Variants in KMT2E observed in about 807,000 individuals in gnomAD.
KMT2E encodes the protein lysine methyltransferase 2E (inactive).
In KMT2E, 30 loss-of-function variants were observed where a neutral mutation model predicts 184.6. That is an observed-to-expected ratio of 0.16 (90% CI 0.12 to 0.22). The LOEUF is 0.22. KMT2E is among the 10% of genes least tolerant of loss of function. The probability of loss-of-function intolerance (pLI) is 1.00; values close to 1 mark genes in which losing one functional copy is unlikely to be tolerated. For synonymous variants in KMT2E, 815 were observed against 776.5 expected (o/e 1.05, Z -0.82); for missense variants, 2,023 against 2,237.4 (o/e 0.90, Z 1.93).
chr7:105,033,618 C>G (rs917424580), intron 1 of KMT2E, among the ~76,000 whole-genome samples: 3 of 152,154 alleles, frequency 2.0e-5, no homozygotes, highest in African/African-American at 7.2e-5. Flanking sequence ...TCGGCCTCAG[C>G]CTCCTGCGTA....
chr7:105,062,155 T>TC lies in KMT2E; in HGVS notation c.72-3dup, dbSNP rs750861444. On this transcript the variant is annotated splice_polypyrimidine_tract_variant and intron_variant, in intron 3 of 26. Transcript: ENST00000311117. The stretch of plus-strand genomic sequence containing the variant: ...TGGAATTCTCTTTGATGCAACTTTT[T>TC]CCCCCCAGACCAGAATCCGTAGAAG... The TC allele has an allele frequency of 2.0e-5, 31 of 1,568,554 alleles. No individual in the cohort carries two copies. Among genetic ancestry groups the TC allele is most frequent in the Non-Finnish European group, 2.5e-5 (29 of 1,144,516 alleles).
At chr7:105,097,301 C>A (rs560295658) in intron 15 of KMT2E, among the ~76,000 whole-genome samples, 1 of 152,246 alleles carries the variant, frequency 6.6e-6, no homozygotes, top group Admixed American at 6.5e-5. Flanking sequence ...GTCCTGTTTT[C>A]TCTAATTGTA....
In KMT2E at chr7:105,089,554, G is replaced by T. The variant is rs118018682; in HGVS notation, c.1359-455G>T. Among the ~76,000 whole-genome samples the T allele has an allele frequency of 3.8e-4, 58 of 152,226 alleles. 2 individuals are homozygous for T. The East Asian group carries it at 0.011, about 28-fold the overall frequency. ...TTCTACACCTGACCTCATATGATAGGTCACAGTCAAAGTGCAGTCAGAACT... is the reference window on the plus strand; with the variant it reads ...TTCTACACCTGACCTCATATGATAGTTCACAGTCAAAGTGCAGTCAGAACT... On this transcript the variant is annotated intron_variant, in intron 13 of 26. Transcript: ENST00000311117.
rs769644635 is a variant in KMT2E at position 105,112,877 on chromosome 7, C to A, written c.5121C>A (p.His1707Gln). 4 of 1,524,358 alleles carry A rather than the reference C, an allele frequency of 2.6e-6. No homozygotes were observed. In the South Asian group the frequency reaches 3.3e-5, roughly 13 times the overall value. 94.4% of individuals were successfully genotyped at this position (1,524,358 alleles called of 1,614,324 possible). Residue 1707 changes from histidine to glutamine, a missense_variant, in exon 27 of 27, where the codon CAC (histidine) becomes CAA (glutamine). His to Gln is a conservative substitution (Grantham distance 24). Transcript: ENST00000311117. ...STGLQGLQAQHQHVVNSAPPP... is the reference protein window; with the variant it reads ...STGLQGLQAQQQHVVNSAPPP... ...GACTCCAAGGTCTACAAGCACAACA[C>A]CAGCATGTTGTAAATTCAGCACCCC... is the stretch of plus-strand genomic sequence containing the variant.
In KMT2E at chr7:105,108,984, A is replaced by C; in HGVS notation, c.3511A>C (p.Lys1171Gln). The change falls in exon 23 of 27, where the codon AAA (lysine) becomes CAA (glutamine). Residue 1171 changes from lysine to glutamine, a missense_variant. By Grantham distance (53) the Lys-to-Gln change is moderately conservative. Transcript: ENST00000311117. ...CCGTAAGAGACAACGTGAAGCTAGG[A>C]AAAGTGGCTCTAAGACAGAGAACTT... ...EYRKRQREAR[K>Q]SGSKTENFPL... 10 of 1,613,392 alleles carry C rather than the reference A, an allele frequency of 6.2e-6. No individual in the cohort carries two copies. The highest frequency in any genetic ancestry group is 7.6e-6 in the Non-Finnish European group (9 of 1,179,340).
chr7:105,071,570 G>A (rs1797293729), intron 6 of KMT2E, among the ~76,000 whole-genome samples: 1 of 80,388 alleles, frequency 1.2e-5, no homozygotes, highest in Admixed American at 1.6e-4. Context: ...ATGTATGTAT[G>A]TATGTGTGTG....
Position 105,113,548 on chromosome 7 carries a change from A to G in KMT2E, c.*215A>G. The G allele has an allele frequency of 2.1e-6, 1 of 482,382 alleles. No homozygotes were observed. The highest frequency in any genetic ancestry group is 3.4e-5 in the East Asian group (1 of 29,432). 29.9% of individuals were successfully genotyped at this position (482,382 alleles called of 1,614,324 possible). On this transcript the variant is annotated 3_prime_UTR_variant, in exon 27 of 27. Coordinates refer to ENST00000311117, the MANE Select transcript of KMT2E (RefSeq NM_182931.3). ...AGGTATCTTTATTTTGTAAGTGAAC[A>G]TTCCAGCTGTTTTTTTCTGGCAGAT...
At chr7:105,096,337 A>C (rs1222304374) in intron 15 of KMT2E, among the ~76,000 whole-genome samples, 1 of 152,100 alleles carries the variant, frequency 6.6e-6, no homozygotes, top group East Asian at 1.9e-4. Flanking sequence ...AATATTTCCA[A>C]AATAATTTTT....
rs528205972 is a variant in KMT2E, at chr7:105,058,641, T to C, written c.72-3523T>C. ...TATGCATTTCAGTTGTTCTACTTGT[T>C]GGAAACAGAATTCAGAGTTTTGAAA... On this transcript the variant is annotated intron_variant, in intron 3 of 26. Coordinates refer to ENST00000311117, the MANE Select transcript of KMT2E (RefSeq NM_182931.3). Among the ~76,000 whole-genome samples the C allele has an allele frequency of 2.1e-3, 323 of 152,330 alleles. 1 individual carries two copies. The highest frequency in any genetic ancestry group is 7.0e-3 in the South Asian group (34 of 4,828).
Position 105,063,402 on chromosome 7 carries a change from C to T in KMT2E, c.238C>T (p.Pro80Ser). 1 of 1,613,574 alleles carries T rather than the reference C, an allele frequency of 6.2e-7. No individual in the cohort carries two copies. The highest frequency in any genetic ancestry group is 1.1e-5 in the South Asian group (1 of 90,966). ...TCCGACACCTCCGGCTTCCCCTCCT[C>T]CATCAGTCCTTATTAGCAAAAATGA... ...PPPTPPASPP[P>S]SVLISKNEVG... Residue 80 changes from proline (P) to serine (S), a missense_variant, in exon 5 of 27, where the codon CCA (proline) becomes TCA (serine). Transcript: ENST00000311117.
At chr7:105,083,796 T>G (rs549093037) in intron 13 of KMT2E, among the ~76,000 whole-genome samples, 2 of 152,362 alleles carry the variant, frequency 1.3e-5, no homozygotes, top group South Asian at 4.1e-4. Context: ...AGTGATTTTC[T>G]TAATGGTGTC....
At chr7:105,053,977 A>G (rs1294451318) in intron 3 of KMT2E, among the ~76,000 whole-genome samples, 1 of 152,062 alleles carries the variant, frequency 6.6e-6, no homozygotes, top group Non-Finnish European at 1.5e-5. Flanking sequence ...GCTTGAGACC[A>G]GCCTGGCCAA....
At chr7:105,097,141 G>T (rs1007544324) in intron 15 of KMT2E, among the ~76,000 whole-genome samples, 1 of 152,160 alleles carries the variant, frequency 6.6e-6, no homozygotes, top group Non-Finnish European at 1.5e-5. Flanking sequence ...AAACTTGACT[G>T]ACTTCATTTA....
chr7:105,107,960 GT>G (rs34102092), intron 22 of KMT2E, 35 bp downstream of exon 22: 210,097 of 1,155,840 alleles, frequency 0.18, 3,076 homozygotes, highest in East Asian at 0.24. Flanking sequence ...CCTTTTAATA[GT>G]TTTTTTTTTT....
At chr7:105,086,838 CTAGCATATA>C (rs1428506413) in intron 13 of KMT2E, among the ~76,000 whole-genome samples, 8 of 145,036 alleles carry the variant, frequency 5.5e-5, no homozygotes, top group Non-Finnish European at 1.2e-4. Flanking sequence ...TCCACATGAG[CTAGCATATA>C]TAGTATATAT....
At chr7:105,016,108 A>C (rs146672081) in intron 1 of KMT2E, among the ~76,000 whole-genome samples, 1 of 152,242 alleles carries the variant, frequency 6.6e-6, no homozygotes, top group Non-Finnish European at 1.5e-5. Context: ...AAATGTTTCA[A>C]TCTAGAGTAA....
At chr7:105,044,249 A>G (rs1796006894) in intron 3 of KMT2E, among the ~76,000 whole-genome samples, 1 of 152,214 alleles carries the variant, frequency 6.6e-6, no homozygotes, top group South Asian at 2.1e-4. Flanking sequence ...AATATCTAGT[A>G]CCATTTTGTA....
chr7:105,051,844 T>C (rs10247691), intron 3 of KMT2E, among the ~76,000 whole-genome samples: 90,221 of 152,080 alleles, frequency 0.59, 28,547 homozygotes, highest in East Asian at 0.92. Context: ...AACTCCTGAC[T>C]TCACAAAGTG....
At chr7:105,045,558 G>A (rs1562888748) in intron 3 of KMT2E, among the ~76,000 whole-genome samples, 3 of 151,932 alleles carry the variant, frequency 2.0e-5, no homozygotes, top group Non-Finnish European at 4.4e-5. Context: ...ATTCTCTTAT[G>A]TCTGGCTTAT....
Sources: allele counts gnomAD v4.1 joint callset (sites outside exome capture counted in the v4.1 genomes callset), GRCh38; gene constraint gnomAD v4.1.1; transcripts MANE v1.5; gene names NCBI Gene and HGNC (gene_info 2026-07-23, HGNC 2026-07-21).